HCLS1: variants seen among roughly 807,000 people sequenced by gnomAD.
HCLS1 encodes the protein hematopoietic lineage cell-specific protein.
In HCLS1, 44 loss-of-function variants were observed where a neutral mutation model predicts 68.6. The ratio of observed to expected loss-of-function variants is 0.64; its 90% CI spans 0.50 to 0.82. HCLS1 has a LOEUF of 0.82. Among genes scored for constraint, HCLS1 ranks in the 40% least tolerant of loss-of-function variants. The probability of loss-of-function intolerance (pLI) is 0.00; values close to 1 mark genes in which losing one functional copy is unlikely to be tolerated. For missense variants in HCLS1, 602 were observed against 612.1 expected (o/e 0.98, Z 0.17); for synonymous variants, 217 against 225.8 (o/e 0.96, Z 0.35).
chr3:121,643,378 T>C (rs2049218646), intron 5 of HCLS1: 1 of 176,936 alleles, frequency 5.7e-6, no homozygotes, highest in Non-Finnish European at 1.2e-5. Flanking sequence ...GTAAAGTGTC[T>C]ACTTAGTTTC....
At chr3:121,658,673 A>C (rs1937926650) in intron 1 of HCLS1, among the ~76,000 whole-genome samples, 1 of 152,240 alleles carries the variant, frequency 6.6e-6, no homozygotes, top group African/African-American at 2.4e-5. Flanking sequence ...TCCCGAGGCC[A>C]GCCAGGCAGT....
At chr3:121,650,622 C>G (rs563133031) in intron 3 of HCLS1, among the ~76,000 whole-genome samples, 13 of 152,208 alleles carry the variant, frequency 8.5e-5, no homozygotes, top group Admixed American at 2.6e-4. Flanking sequence ...CAATCTTGAC[C>G]TCACACTGCA....
In HCLS1 at chr3:121,658,337, G is replaced by C. The variant is rs2107482079; in HGVS notation, c.11C>G (p.Ser4Cys). The C allele has an allele frequency of 6.2e-7, 1 of 1,613,112 alleles. No individual in the cohort carries two copies. The highest frequency in any genetic ancestry group is 8.5e-7 in the Non-Finnish European group (1 of 1,179,152). The change falls in exon 2 of 14, where the codon TCT becomes TGT. Residue 4 changes from serine (S) to cysteine (C), a missense_variant. Transcript: ENST00000314583. The part of the protein sequence containing the change: MWK[S>C]VVGHDVSVSV... ...AACAGACACATCATGGCCCACTACA[G>C]ACTTCCACATCTGAGAGTGACCGGA...
rs1212503394 is a variant in HCLS1 at position 121,631,956 on chromosome 3, G to T, written c.1351C>A (p.Pro451Thr). 3 of 1,614,186 alleles carry T rather than the reference G, an allele frequency of 1.9e-6. No homozygotes were observed. Among genetic ancestry groups the T allele is most frequent in the Admixed American group, 3.3e-5 (2 of 60,024 alleles). ...GEGSDELSFD[P>T]DDVITDIEMV... ...TCAATGTCAGTGATTACGTCGTCCG[G>T]ATCAAAGGAAAGCTCATCACTTCCC... The change falls in exon 14 of 14, where the codon CCG becomes ACG. Residue 451 changes from proline to threonine, a missense_variant. By Grantham distance (38) the Pro-to-Thr change is conservative. Coordinates refer to ENST00000314583, the MANE Select transcript of HCLS1 (RefSeq NM_005335.6).
At chr3:121,640,570 G>T (rs2049187583) in intron 6 of HCLS1, among the ~76,000 whole-genome samples, 1 of 151,764 alleles carries the variant, frequency 6.6e-6, no homozygotes, top group Non-Finnish European at 1.5e-5. Context: ...GAACCATAAT[G>T]AAACCATAAT....
At chr3:121,646,814 C>A (rs1461423337) in intron 4 of HCLS1, among the ~76,000 whole-genome samples, 1 of 136,176 alleles carries the variant, frequency 7.3e-6, no homozygotes, top group East Asian at 2.1e-4. Context: ...TATTTTATAG[C>A]CAATTATTAT....
At position 121,633,078 on chromosome 3, in the gene HCLS1, T is replaced by A. The variant is rs533975196; in HGVS notation, c.997A>T (p.Thr333Ser). ...GGGGGTTTGCTTACCTCCGGGAGAG[T>A]CTGCCTAATGGGCAGCAAGGGCACT... ...HPVPLLPIRQ[T>S]LPEDNEEPPA... The change falls in exon 11 of 14, where the codon ACT (threonine) becomes TCT (serine). Residue 333 changes from threonine (T) to serine (S), a missense_variant. Coordinates refer to ENST00000314583, the MANE Select transcript of HCLS1 (RefSeq NM_005335.6). 70 of 1,609,320 alleles carry A rather than the reference T, an allele frequency of 4.3e-5. 1 individual carries two copies. The South Asian group carries it at 7.3e-4, about 17-fold the overall frequency.
At chr3:121,633,973 G>A (rs1173497574) in intron 10 of HCLS1, among the ~76,000 whole-genome samples, 4 of 152,226 alleles carry the variant, frequency 2.6e-5, no homozygotes, top group African/African-American at 9.6e-5. Flanking sequence ...ATAATTGGCT[G>A]TGCTGGCTGG....
chr3:121,637,094 G>A (rs1398127807), intron 7 of HCLS1, 52 bp downstream of exon 7: 3 of 1,281,532 alleles, frequency 2.3e-6, no homozygotes, highest in African/African-American at 2.9e-5. Flanking sequence ...AGAAAGGAAG[G>A]AAGGAGATCC....
intron 3 of HCLS1, among the ~76,000 whole-genome samples, chr3:121,653,284 G>A (rs907838745): frequency 6.6e-6 from 1 of 152,100 alleles, no homozygotes; most frequent in African/African-American, 2.4e-5. Flanking sequence ...TATCATGTGG[G>A]CTTTCAAAAA....
intron 3 of HCLS1, among the ~76,000 whole-genome samples, chr3:121,649,277 C>T (rs1937686638): frequency 6.6e-6 from 1 of 152,176 alleles, no homozygotes; most frequent in African/African-American, 2.4e-5. Context: ...GCTCTGTCGC[C>T]CAGGCTGGAG....
intron 6 of HCLS1, among the ~76,000 whole-genome samples, chr3:121,640,899 G>C (rs1351915191): frequency 6.6e-6 from 1 of 150,450 alleles, no homozygotes; most frequent in Non-Finnish European, 1.5e-5. Flanking sequence ...GGGAAGGGAA[G>C]ATATTTGAAA....
rs1576459077 is a variant in HCLS1, at chr3:121,631,782, G to A, written c.*64C>T. 2 of 1,557,198 alleles carry A rather than the reference G, an allele frequency of 1.3e-6. No individual in the cohort carries two copies. The highest frequency in any genetic ancestry group is 1.8e-6 in the Non-Finnish European group (2 of 1,132,764). ...TAGACATTTGCAGCAGGAATAGGGA[G>A]GGGGTGGAGGCAGAGCCACTTTGGA... is the stretch of plus-strand genomic sequence containing the variant. On this transcript the variant is annotated 3_prime_UTR_variant, in exon 14 of 14. Coordinates refer to ENST00000314583, the MANE Select transcript of HCLS1 (RefSeq NM_005335.6).
chr3:121,631,784 G>A lies in HCLS1; in HGVS notation c.*62C>T. ...GACATTTGCAGCAGGAATAGGGAGG[G>A]GGTGGAGGCAGAGCCACTTTGGACA... On this transcript the variant is annotated 3_prime_UTR_variant, in exon 14 of 14. Coordinates refer to ENST00000314583, the MANE Select transcript of HCLS1 (RefSeq NM_005335.6). 14 of 1,567,532 alleles carry A rather than the reference G, an allele frequency of 8.9e-6. No individual in the cohort carries two copies. The highest frequency in any genetic ancestry group is 1.7e-5 in the Admixed American group (1 of 59,270).
At chr3:121,650,421 G>C (rs1350436333) in intron 3 of HCLS1, among the ~76,000 whole-genome samples, 1 of 150,310 alleles carries the variant, frequency 6.7e-6, no homozygotes, top group Non-Finnish European at 1.5e-5. Context: ...ATAATTTCTT[G>C]ACTTATAAAG....
chr3:121,637,359 G>T (rs1254320959), intron 6 of HCLS1, 103 bp from the exon 7 acceptor site: 1 of 755,722 alleles, frequency 1.3e-6, no homozygotes, highest in Admixed American at 2.0e-5. Flanking sequence ...AGTGTTAGGG[G>T]CCTGGGAAAA....
chr3:121,637,298 C>T (rs543164479), intron 6 of HCLS1, 42 bp from the exon 7 acceptor site: 2 of 1,355,350 alleles, frequency 1.5e-6, no homozygotes, highest in Admixed American at 3.3e-5. Context: ...CCCTTAGGCT[C>T]CAGCACACAG....
chr3:121,649,022 A>C (rs145170176), intron 3 of HCLS1, among the ~76,000 whole-genome samples: 1 of 152,242 alleles, frequency 6.6e-6, no homozygotes, highest in Non-Finnish European at 1.5e-5. Flanking sequence ...TTTTTTAATG[A>C]ATATAATAAT....
intron 5 of HCLS1, 150 bp from the exon 6 acceptor site, chr3:121,643,131 G>T: frequency 1.5e-6 from 1 of 648,830 alleles, no homozygotes; most frequent in Non-Finnish European, 2.8e-6. Context: ...GGCTGGTATG[G>T]ACACAGGATA....
Sources: gnomAD v4.1 joint callset for allele counts (sites outside exome capture counted in the v4.1 genomes callset) on GRCh38, gnomAD v4.1.1 for gene constraint, MANE v1.5 for transcripts, NCBI Gene and HGNC (gene_info 2026-07-23, HGNC 2026-07-21) for gene names.